Variants in ABI3BP observed in about 807,000 individuals in gnomAD.
ABI3BP encodes the protein ABI family member 3 binding protein.
In ABI3BP, 216 loss-of-function variants were observed where a neutral mutation model predicts 268.6. The observed-to-expected ratio is 0.80, with a 90% CI of 0.72 to 0.90. ABI3BP has a LOEUF of 0.90. ABI3BP is among the 40% of genes least tolerant of loss of function. The pLI, the probability that ABI3BP is intolerant of heterozygous loss-of-function variation, is 0.00. For missense variants in ABI3BP, 2,090 were observed against 2,182.4 expected (o/e 0.96, Z 0.84); for synonymous variants, 730 against 730.0 (o/e 1.00, Z 0.00).
intron 1 of ABI3BP, among the ~76,000 whole-genome samples, chr3:100,932,755 T>C (rs1453124323): frequency 1.3e-5 from 2 of 152,176 alleles, no homozygotes; most frequent in South Asian, 2.1e-4. Context: ...AGTGGGAATG[T>C]AAATTAGTTC....
intron 17 of ABI3BP, 126 bp from the exon 18 acceptor site, chr3:100,849,001 C>T: frequency 1.3e-6 from 1 of 761,908 alleles, no homozygotes; most frequent in Non-Finnish European, 2.2e-6. Context: ...TTAGAATGTC[C>T]AGTATACCTT....
intron 57 of ABI3BP, among the ~76,000 whole-genome samples, chr3:100,780,991 T>A (rs912838006): frequency 3.9e-5 from 6 of 152,164 alleles, no homozygotes; most frequent in Admixed American, 1.3e-4. Context: ...GTGACAGTCT[T>A]CATTATAAAA....
At chr3:100,863,894 C>G (rs150148717) in intron 12 of ABI3BP, 108 bp downstream of exon 12, 1 of 850,250 alleles carries the variant, frequency 1.2e-6, no homozygotes, top group East Asian at 2.7e-5. Context: ...ACTGTGTCAC[C>G]TTTAAGGGAT....
chr3:100,885,733 A>G (rs1247997087), intron 5 of ABI3BP, 145 bp from the exon 6 acceptor site: 4 of 534,334 alleles, frequency 7.5e-6, no homozygotes, highest in Non-Finnish European at 1.3e-5. Flanking sequence ...ACTGATGCCA[A>G]TGAAGTTTTA....
At chr3:100,778,631 G>A (rs2150215532) in intron 58 of ABI3BP, 3 of 394,200 alleles carry the variant, frequency 7.6e-6, no homozygotes, top group South Asian at 6.2e-5. Flanking sequence ...ATATACAGTC[G>A]GGCCCTTCAT....
At chr3:100,754,715 T>G in intron 63 of ABI3BP, 24 bp from the exon 64 acceptor site, 1 of 1,542,354 alleles carries the variant, frequency 6.5e-7, no homozygotes, top group Non-Finnish European at 8.8e-7. Context: ...AATAAAAAAA[T>G]ACTTGTAATA....
intron 1 of ABI3BP, among the ~76,000 whole-genome samples, chr3:100,933,184 GT>G (rs1347714134): frequency 6.6e-6 from 1 of 151,896 alleles, no homozygotes; most frequent in Non-Finnish European, 1.5e-5. Context: ...ATTATTTTAT[GT>G]TTTCAATGTG....
rs568650599 is a variant in ABI3BP at position 100,966,917 on chromosome 3, T to C, written c.79+26389A>G. 1.1e-4 allele frequency among the ~76,000 whole-genome samples: 17 copies of C among 152,240 alleles called. No homozygotes were observed. The South Asian group carries it at 3.1e-3, about 28-fold the overall frequency. ...CACCACGTTATGTGTGCAATAAATTTTAAAGCGCTAGAATTTGTAAGGCTT... is the reference window on the plus strand; with the variant it reads ...CACCACGTTATGTGTGCAATAAATTCTAAAGCGCTAGAATTTGTAAGGCTT... On this transcript the variant is annotated intron_variant, in intron 1 of 67. Transcript: ENST00000471714.
chr3:100,774,209 G>T (rs1330425208), intron 61 of ABI3BP, among the ~76,000 whole-genome samples: 1 of 152,094 alleles, frequency 6.6e-6, no homozygotes, highest in African/African-American at 2.4e-5. Flanking sequence ...ACATTTTTTG[G>T]CCAATGGACA....
intron 1 of ABI3BP, among the ~76,000 whole-genome samples, chr3:100,943,753 A>G (rs2070700154): frequency 6.6e-6 from 1 of 152,122 alleles, no homozygotes; most frequent in African/African-American, 2.4e-5. Context: ...TTATTGTCAC[A>G]GTAGTATTCA....
intron 61 of ABI3BP, among the ~76,000 whole-genome samples, chr3:100,771,252 G>C (rs183901935): frequency 6.6e-6 from 1 of 152,308 alleles, no homozygotes; most frequent in Admixed American, 6.5e-5. Flanking sequence ...CTTACCCTCA[G>C]TGGTAGGGAA....
chr3:100,963,662 C>G (rs2080044762), intron 1 of ABI3BP, among the ~76,000 whole-genome samples: 1 of 152,208 alleles, frequency 6.6e-6, no homozygotes, highest in Admixed American at 6.5e-5. Flanking sequence ...CCCTGTTTCT[C>G]TTTCTCTCCA....
In ABI3BP at chr3:100,864,868, G is replaced by A. The variant is rs374568083; in HGVS notation, c.1028C>T (p.Thr343Met). ...TTCTGAAACATCTAATGCACTAGAC[G>A]TAGTGGGTTTAGTGCTTCTTGGAAC... ...ETVPRSTKPTTSSALDVSETT... is the reference protein window; with the variant it reads ...ETVPRSTKPTMSSALDVSETT... The change falls in exon 11 of 68, where the codon ACG (threonine) becomes ATG (methionine). Residue 343 changes from threonine (T) to methionine (M), a missense_variant. Transcript: ENST00000471714. The A allele has an allele frequency of 3.4e-5, 55 of 1,608,548 alleles. No homozygotes were observed. The highest frequency in any genetic ancestry group is 1.9e-4 in the Middle Eastern group (1 of 5,386).
rs1015973802 is a variant in ABI3BP at position 100,897,090 on chromosome 3, G to T, written c.461+1672C>A. 3.4e-4 allele frequency among the ~76,000 whole-genome samples: 15 copies of T among 44,706 alleles called. No homozygotes were observed. In the Admixed American group the frequency reaches 4.6e-3, roughly 14 times the overall value. The allele number at this position is 44,706 out of a possible 152,430, so 29.3% of individuals were successfully genotyped here. On this transcript the variant is annotated intron_variant, in intron 4 of 67. Coordinates refer to ENST00000471714, the MANE Select transcript of ABI3BP (RefSeq NM_001375547.2). ...CAAAAAACATAAACATGGCCAAAAA[G>T]CACATTAAGAAGTATGCAATAGCCT...
intron 2 of ABI3BP, chr3:100,914,579 T>G: frequency 5.5e-6 from 2 of 362,880 alleles, no homozygotes. Context: ...TGCTCAGAAT[T>G]GTTTGGAATT....
rs141302553 is a variant in ABI3BP, at chr3:100,775,231, C to G, written c.4438G>C (p.Val1480Leu). The G allele has an allele frequency of 3.5e-3, 5,720 of 1,612,412 alleles. 61 individuals are homozygous for G. Among genetic ancestry groups the G allele is most frequent in the South Asian group, 0.024 (2,135 of 90,588 alleles). The stretch of plus-strand genomic sequence containing the variant: ...CCCAGTTCTTCTCCAGAGGCAGGAA[C>G]TGTTGGTTGCTTTATATCTGTCTCT... ...RIETDIKQPT[V>L]PASGEELENI... The change falls in exon 60 of 68, where the codon GTT (valine) becomes CTT (leucine). Residue 1480 changes from valine to leucine, a missense_variant. Physicochemically the swap from Val to Leu is conservative, Grantham distance 32. Transcript: ENST00000471714.
intron 14 of ABI3BP, among the ~76,000 whole-genome samples, chr3:100,853,471 A>G (rs1024809507): frequency 2.2e-4 from 34 of 152,306 alleles, no homozygotes; most frequent in Admixed American, 4.6e-4. Context: ...AACTTTGCCA[A>G]CTTGTATTTA....
intron 35 of ABI3BP, 57 bp downstream of exon 35, chr3:100,825,728 T>A: frequency 7.4e-7 from 1 of 1,343,200 alleles, no homozygotes. Context: ...CTGAATGGAC[T>A]GTACAACAAG....
chr3:100,984,945 C>G (rs187870892), intron 1 of ABI3BP, among the ~76,000 whole-genome samples: 2 of 152,050 alleles, frequency 1.3e-5, no homozygotes, highest in Non-Finnish European at 1.5e-5. Context: ...CCTAAATTTT[C>G]TTTCCTGAGA....
Sources: allele counts gnomAD v4.1 joint callset (sites outside exome capture counted in the v4.1 genomes callset), GRCh38; gene constraint gnomAD v4.1.1; transcripts MANE v1.5; gene names NCBI Gene and HGNC (gene_info 2026-07-23, HGNC 2026-07-21).